The following HDAC9 variants were observed in gnomAD, a reference collection of about 807,000 sequenced individuals.
HDAC9 encodes MEF-2 interacting transcription repressor (MITR) protein.
Under a neutral mutation model 139.4 loss-of-function variants are expected in HDAC9, and 41 were observed. That is an observed-to-expected ratio of 0.29 (90% CI 0.23 to 0.38). The LOEUF (loss-of-function observed/expected upper bound fraction) is 0.38. Among genes scored for constraint, HDAC9 ranks in the 10% least tolerant of loss-of-function variants. HDAC9 has a pLI of 1.00. For missense variants in HDAC9, 1,147 were observed against 1,297.0 expected (o/e 0.88, Z 1.78); for synonymous variants, 517 against 476.2 (o/e 1.09, Z -1.12).
At position 18,473,365 on chromosome 7, in the gene HDAC9, C is replaced by G. The variant is rs377728534; in HGVS notation, c.-41-22897C>G. Among the ~76,000 whole-genome samples, 18 of 152,270 alleles carry G rather than the reference C, an allele frequency of 1.2e-4. No individual in the cohort carries two copies. In the East Asian group the frequency reaches 3.5e-3, roughly 29 times the overall value. Reference sequence around the variant, plus strand: ...TCAGAGGACTTGTTTTCGATTCTTTCTTTTATGAAACCCAGCCTTTCTATT... The same window carrying G: ...TCAGAGGACTTGTTTTCGATTCTTTGTTTTATGAAACCCAGCCTTTCTATT... On this transcript the variant is annotated intron_variant, in intron 1 of 3. Transcript: ENST00000413509.
At chr7:18,169,512 A>G (rs113958872) in intron 2 of HDAC9, among the ~76,000 whole-genome samples, 63 of 151,872 alleles carry the variant, frequency 4.1e-4, no homozygotes, top group African/African-American at 1.5e-3. Flanking sequence ...CACAACGTAC[A>G]TGTTTGTTAA....
At chr7:18,306,310 A>C (rs1798903670) in intron 1 of HDAC9, among the ~76,000 whole-genome samples, 1 of 152,170 alleles carries the variant, frequency 6.6e-6, no homozygotes, top group Non-Finnish European at 1.5e-5. Context: ...GCCACTGAAA[A>C]ATACATCCAA....
chr7:18,464,184 A>G (rs984742929), intron 1 of HDAC9, among the ~76,000 whole-genome samples: 3 of 151,914 alleles, frequency 2.0e-5, no homozygotes, highest in Admixed American at 1.3e-4. Flanking sequence ...TTTGCATAGT[A>G]TATCTCTCAT....
chr7:18,261,250 G>T (rs1200236544), intron 2 of HDAC9, among the ~76,000 whole-genome samples: 1 of 152,158 alleles, frequency 6.6e-6, no homozygotes, highest in Non-Finnish European at 1.5e-5. Context: ...CGAGGTTGCA[G>T]TGAGCCATGA....
chr7:18,540,811 T>C (rs1812563254), intron 2 of HDAC9, among the ~76,000 whole-genome samples: 1 of 152,216 alleles, frequency 6.6e-6, no homozygotes, highest in Admixed American at 6.5e-5. Context: ...AGTTCAAAAG[T>C]ATATTAAAAT....
chr7:18,758,629 C>T (rs979529157), intron 14 of HDAC9, among the ~76,000 whole-genome samples: 3 of 152,084 alleles, frequency 2.0e-5, no homozygotes, highest in Non-Finnish European at 2.9e-5. Flanking sequence ...TGAGGCAAAA[C>T]GGAATTACTC....
chr7:18,485,314 G>A (rs370117536), intron 1 of HDAC9, among the ~76,000 whole-genome samples: 16 of 151,962 alleles, frequency 1.1e-4, no homozygotes, highest in African/African-American at 3.6e-4. Context: ...CCACCTTCTT[G>A]TTCATTATTT....
chr7:18,192,008 GA>G (rs546571960), intron 2 of HDAC9, among the ~76,000 whole-genome samples: 22 of 152,166 alleles, frequency 1.4e-4, no homozygotes, highest in Middle Eastern at 3.4e-3. Context: ...CTATGTGCTA[GA>G]AAAAAACCCT....
chr7:18,645,820 GTTCACTTGTATGTTCAACACATAGT>G lies in HDAC9; in HGVS notation c.1035+1032_1035+1056del, dbSNP rs1787210043. 2.6e-5 allele frequency among the ~76,000 whole-genome samples: 4 copies of G among 152,238 alleles called. No individual in the cohort carries two copies. The South Asian group carries it at 8.3e-4, about 32-fold the overall frequency. ...TCTTCCACTGAGTTGAATGTGTCAA[GTTCACTTGTATGTTCAACACATAGT>G]TTCAATGCGTATTTTAAAATCAACC... On this transcript the variant is annotated intron_variant, in intron 9 of 25. Coordinates refer to ENST00000686413, the MANE Select transcript of HDAC9 (RefSeq NM_178425.4).
chr7:18,100,225 A>C (rs921926532), intron 1 of HDAC9, among the ~76,000 whole-genome samples: 2 of 152,042 alleles, frequency 1.3e-5, no homozygotes, highest in African/African-American at 4.8e-5. Flanking sequence ...AAGTCCTATA[A>C]CGTATTCTGT....
chr7:18,904,083 T>G (rs1252240555), intron 22 of HDAC9, among the ~76,000 whole-genome samples: 1 of 152,160 alleles, frequency 6.6e-6, no homozygotes, highest in African/African-American at 2.4e-5. Flanking sequence ...ACCCAACAAT[T>G]GGAACAAGTA....
intron 1 of HDAC9, among the ~76,000 whole-genome samples, chr7:18,292,826 G>A (rs1053460206): frequency 6.6e-6 from 1 of 152,238 alleles, no homozygotes; most frequent in Non-Finnish European, 1.5e-5. Context: ...AGAGAACTGG[G>A]ACATGCACAG....
intron 7 of HDAC9, among the ~76,000 whole-genome samples, chr7:18,632,856 A>G (rs1408789602): frequency 6.6e-6 from 1 of 152,048 alleles, no homozygotes; most frequent in Non-Finnish European, 1.5e-5. Context: ...TAAAGATCAC[A>G]TTAAAAGGGC....
At chr7:18,259,948 A>G (rs2128205884) in intron 2 of HDAC9, among the ~76,000 whole-genome samples, 1 of 152,318 alleles carries the variant, frequency 6.6e-6, no homozygotes, top group South Asian at 2.1e-4. Flanking sequence ...GGCATTGGCC[A>G]CAGTTTCCCC....
chr7:18,899,420 T>A (rs984035058), intron 22 of HDAC9: 5 of 151,952 alleles, frequency 3.3e-5, no homozygotes, highest in Non-Finnish European at 7.4e-5. Context: ...TGATGAAGAA[T>A]CTGACAACCT....
At chr7:18,786,796 T>TTTCCTTCCTTCCTTCCTTCC (rs1173756197) in intron 16 of HDAC9, among the ~76,000 whole-genome samples, 2 of 44,052 alleles carry the variant, frequency 4.5e-5, no homozygotes, top group African/African-American at 1.5e-4. Context: ...TCTTTCTTTC[T>TTTCCTTCCTTCCTTCCTTCC]TTCCTTCCTT....
intron 25 of HDAC9, among the ~76,000 whole-genome samples, chr7:18,984,359 G>A (rs1018863851): frequency 6.6e-6 from 1 of 152,106 alleles, no homozygotes; most frequent in Non-Finnish European, 1.5e-5. Context: ...TGGCTGGGTA[G>A]AAAGGGATCA....
chr7:18,105,096 GAGA>G (rs1329811101), intron 1 of HDAC9, among the ~76,000 whole-genome samples: 2 of 148,948 alleles, frequency 1.3e-5, no homozygotes, highest in African/African-American at 2.5e-5. Flanking sequence ...CTTTCTAGAT[GAGA>G]TTTCATCTAC....
chr7:18,526,335 A>C (rs960207155), intron 2 of HDAC9, among the ~76,000 whole-genome samples: 4 of 152,216 alleles, frequency 2.6e-5, no homozygotes, highest in African/African-American at 9.6e-5. Flanking sequence ...CTGCAAAGTA[A>C]ACTATTAGAA....
Sources: gnomAD v4.1 joint callset for allele counts (sites outside exome capture counted in the v4.1 genomes callset) on GRCh38, gnomAD v4.1.1 for gene constraint, MANE v1.5 for transcripts, NCBI Gene and HGNC (gene_info 2026-07-23, HGNC 2026-07-21) for gene names.